The following TAFA5 variants were observed in gnomAD, a reference collection of about 807,000 sequenced individuals.
TAFA5 encodes the protein TAFA chemokine like family member 5.
TAFA5 carries 6 observed loss-of-function variants against 15.3 expected under a neutral mutation model. That is an observed-to-expected ratio of 0.39 (90% CI 0.21 to 0.77). The LOEUF (loss-of-function observed/expected upper bound fraction) is 0.77. Among genes scored for constraint, TAFA5 ranks in the 30% least tolerant of loss-of-function variants. TAFA5 has a pLI of 0.41. For synonymous variants in TAFA5, 103 were observed against 80.7 expected (o/e 1.28, Z -1.48); for missense variants, 161 against 193.1 (o/e 0.83, Z 0.98).
chr22:48,499,029 G>A (rs916019006), intron 1 of TAFA5, among the ~76,000 whole-genome samples: 1 of 152,190 alleles, frequency 6.6e-6, no homozygotes, highest in Non-Finnish European at 1.5e-5. Context: ...GTTTCTCTGT[G>A]CAGAGACAGC....
rs1447153730 is a variant in TAFA5, at chr22:48,638,778, C to T, written c.113-7819C>T. 4.2e-5 allele frequency among the ~76,000 whole-genome samples: 6 copies of T among 142,866 alleles called. No homozygotes were observed. The South Asian group carries it at 8.8e-4, about 21-fold the overall frequency. 93.7% of individuals were successfully genotyped at this position (142,866 alleles called of 152,430 possible). Reference sequence around the variant, plus strand: ...CACAGGCGGGACCCCCCCCATCCCCCGACACTAAGCCCTGGGTCACCGCAC... The same window carrying T: ...CACAGGCGGGACCCCCCCCATCCCCTGACACTAAGCCCTGGGTCACCGCAC... On this transcript the variant is annotated intron_variant, in intron 1 of 3. Transcript: ENST00000402357.
In TAFA5 at chr22:48,599,497, C is replaced by T. The variant is rs367716211; in HGVS notation, c.113-47100C>T. On this transcript the variant is annotated intron_variant, in intron 1 of 3. Transcript: ENST00000402357. ...GGTGGGCTTGAGGCTCCTCAGCAGC[C>T]GCTGATCAGACTCAGCATGGCACAG... Among the ~76,000 whole-genome samples, 54 of 152,370 alleles carry T rather than the reference C, an allele frequency of 3.5e-4. 2 individuals carry two copies. In the South Asian group the frequency reaches 0.011, roughly 30 times the overall value.
chr22:48,500,334 G>T (rs941447006), intron 1 of TAFA5, among the ~76,000 whole-genome samples: 2 of 152,262 alleles, frequency 1.3e-5, no homozygotes, highest in African/African-American at 4.8e-5. Context: ...TCAGCTTCAC[G>T]GGCTAAGGGA....
chr22:48,662,263 T>A (rs1174472152), intron 2 of TAFA5, among the ~76,000 whole-genome samples: 1 of 152,022 alleles, frequency 6.6e-6, no homozygotes, highest in Non-Finnish European at 1.5e-5. Flanking sequence ...GAGTCAAGGC[T>A]GGTCCCTGGG....
At chr22:48,503,499 C>G (rs1184884494) in intron 1 of TAFA5, among the ~76,000 whole-genome samples, 1 of 152,196 alleles carries the variant, frequency 6.6e-6, no homozygotes, top group African/African-American at 2.4e-5. Flanking sequence ...AAGAGCAAAA[C>G]GCATCACCAA....
At chr22:48,677,677 A>G (rs1257124753) in intron 2 of TAFA5, among the ~76,000 whole-genome samples, 1 of 152,146 alleles carries the variant, frequency 6.6e-6, no homozygotes, top group African/African-American at 2.4e-5. Flanking sequence ...GCCCAGAGGA[A>G]GCAGCTCCTG....
chr22:48,562,106 T>G (rs1343930791), intron 1 of TAFA5, among the ~76,000 whole-genome samples: 1 of 152,180 alleles, frequency 6.6e-6, no homozygotes, highest in Non-Finnish European at 1.5e-5. Context: ...CTCCTTATCC[T>G]AAGCCCCCTC....
intron 3 of TAFA5, among the ~76,000 whole-genome samples, chr22:48,747,894 CTA>C (rs1491436285): frequency 9.1e-5 from 6 of 65,934 alleles, no homozygotes; most frequent in African/African-American, 5.1e-4. Flanking sequence ...AAGACTCTGT[CTA>C]AAAAAAAAAA....
Position 48,688,143 on chromosome 22 carries a change from C to T in TAFA5, c.263-19574C>T, listed in dbSNP as rs550050901. ...CTCTCATCTAATTTGATGACCCAGA[C>T]TTGGAGGGTTTTGCACTGGCGCACC... On this transcript the variant is annotated intron_variant, in intron 2 of 3. Transcript: ENST00000402357. 1.2e-4 allele frequency among the ~76,000 whole-genome samples: 18 copies of T among 151,448 alleles called. No individual in the cohort carries two copies. In the East Asian group the frequency reaches 3.5e-3, roughly 29 times the overall value.
At chr22:48,624,892 G>A (rs1446728956) in intron 1 of TAFA5, among the ~76,000 whole-genome samples, 1 of 152,170 alleles carries the variant, frequency 6.6e-6, no homozygotes, top group African/African-American at 2.4e-5. Context: ...CTGAGATCAG[G>A]AGTTCAAGAC....
chr22:48,528,605 G>T (rs1312531333), intron 1 of TAFA5, among the ~76,000 whole-genome samples: 2 of 152,214 alleles, frequency 1.3e-5, no homozygotes, highest in African/African-American at 4.8e-5. Flanking sequence ...TGTGGCCTCG[G>T]GGACTGTGGT....
intron 1 of TAFA5, among the ~76,000 whole-genome samples, chr22:48,577,188 G>C (rs1353773514): frequency 6.6e-6 from 1 of 152,246 alleles, no homozygotes; most frequent in Non-Finnish European, 1.5e-5. Context: ...GGCAGTCTGG[G>C]ACTATTGAGG....
At chr22:48,697,205 C>T (rs761358361) in intron 2 of TAFA5, among the ~76,000 whole-genome samples, 5 of 152,170 alleles carry the variant, frequency 3.3e-5, no homozygotes, top group Non-Finnish European at 5.9e-5. Context: ...CATCCTCATA[C>T]CTGAAATGAG....
intron 3 of TAFA5, among the ~76,000 whole-genome samples, chr22:48,709,378 G>A (rs908276302): frequency 6.8e-6 from 1 of 147,354 alleles, no homozygotes; most frequent in African/African-American, 2.5e-5. Context: ...GTCTGCAGAG[G>A]GGGTCTAGGC....
At chr22:48,697,351 G>C (rs1298911624) in intron 2 of TAFA5, among the ~76,000 whole-genome samples, 2 of 142,510 alleles carry the variant, frequency 1.4e-5, no homozygotes, top group Non-Finnish European at 3.2e-5. Flanking sequence ...TGATGATGAT[G>C]ATGATGATAA....
chr22:48,662,556 C>T (rs1223546156), intron 2 of TAFA5, among the ~76,000 whole-genome samples: 1 of 152,124 alleles, frequency 6.6e-6, no homozygotes, highest in African/African-American at 2.4e-5. Context: ...AGAGCTGAAC[C>T]CAGGCCTGGG....
chr22:48,610,164 C>T (rs967999835), intron 1 of TAFA5, among the ~76,000 whole-genome samples: 3 of 152,234 alleles, frequency 2.0e-5, no homozygotes, highest in Middle Eastern at 3.4e-3. Flanking sequence ...TGACCAGAGG[C>T]GGGGCAGGGA....
chr22:48,606,467 G>A (rs1925198151), intron 1 of TAFA5, among the ~76,000 whole-genome samples: 1 of 152,224 alleles, frequency 6.6e-6, no homozygotes. Flanking sequence ...GGATATAGAT[G>A]TATGTATTTC....
chr22:48,575,998 T>TGGGGGCCGACAGGCGGAGGA (rs1478182506), intron 1 of TAFA5, among the ~76,000 whole-genome samples: 8 of 50,014 alleles, frequency 1.6e-4, no homozygotes, highest in Non-Finnish European at 2.9e-4. Flanking sequence ...CAGCGGGCGG[T>TGGGGGCCGACAGGCGGAGGA]GGGGGCCGAC....
Sources: gnomAD v4.1 joint callset for allele counts (sites outside exome capture counted in the v4.1 genomes callset) on GRCh38, gnomAD v4.1.1 for gene constraint, MANE v1.5 for transcripts, NCBI Gene and HGNC (gene_info 2026-07-23, HGNC 2026-07-21) for gene names.